Variants in FRMD6 observed in about 807,000 individuals in gnomAD.
The protein encoded by FRMD6 is FERM domain containing 6, also known as FERM domain-containing protein 6.
Under a neutral mutation model 73.2 loss-of-function variants are expected in FRMD6, and 37 were observed. That is an observed-to-expected ratio of 0.51 (90% confidence interval 0.39 to 0.66). The LOEUF is 0.66. Among genes scored for constraint, FRMD6 ranks in the 30% least tolerant of loss-of-function variants. The pLI is 0.00. For missense variants in FRMD6, 714 were observed against 780.5 expected (o/e 0.91, Z 1.02); for synonymous variants, 273 against 282.2 (o/e 0.97, Z 0.33).
intron 2 of FRMD6, among the ~76,000 whole-genome samples, chr14:51,629,125 C>T (rs978673697): frequency 9.9e-5 from 15 of 152,072 alleles, no homozygotes; most frequent in Non-Finnish European, 8.8e-5. Context: ...GTGATCCGCC[C>T]GCCTCGCCCT....
At chr14:51,515,034 G>C (rs1884543953) in intron 1 of FRMD6, among the ~76,000 whole-genome samples, 1 of 152,166 alleles carries the variant, frequency 6.6e-6, no homozygotes. Flanking sequence ...GTTCAACCAT[G>C]ATGGTGTCCC....
intron 1 of FRMD6, among the ~76,000 whole-genome samples, chr14:51,564,539 G>A (rs1370241378): frequency 6.6e-6 from 1 of 152,204 alleles, no homozygotes; most frequent in East Asian, 1.9e-4. Context: ...GTCTGAGAGA[G>A]CTGACCAAGG....
At chr14:51,430,638 GTTC>G in the FRMD6 span, among the ~76,000 whole-genome samples, 1 of 151,862 alleles carries the variant, frequency 6.6e-6, no homozygotes, top group South Asian at 2.1e-4. Flanking sequence ...AAAACCCTCT[GTTC>G]TTCTCCCCGC....
chr14:51,672,787 A>G (rs895249188), intron 1 of FRMD6, among the ~76,000 whole-genome samples: 14 of 152,140 alleles, frequency 9.2e-5, no homozygotes, highest in African/African-American at 3.4e-4. Flanking sequence ...TTTCGAATTT[A>G]TTAATGTAAA....
intron 2 of FRMD6, among the ~76,000 whole-genome samples, chr14:51,625,455 CTTTT>C (rs531098350): frequency 2.3e-5 from 2 of 85,436 alleles, no homozygotes; most frequent in Non-Finnish European, 5.0e-5. Flanking sequence ...TTCCCCTTAT[CTTTT>C]TTTTTTGTTG....
At chr14:51,506,346 G>A (rs1883962958) in intron 1 of FRMD6, among the ~76,000 whole-genome samples, 1 of 152,112 alleles carries the variant, frequency 6.6e-6, no homozygotes, top group Non-Finnish European at 1.5e-5. Flanking sequence ...ACTAATGTTT[G>A]GCAAGTGTCT....
chr14:51,633,793 A>G (rs1891436001), intron 2 of FRMD6, among the ~76,000 whole-genome samples: 1 of 152,192 alleles, frequency 6.6e-6, no homozygotes, highest in Admixed American at 6.5e-5. Flanking sequence ...TGTGATTAGC[A>G]TAATAAAGTT....
At chr14:51,584,813 T>C (rs1344209725) in intron 2 of FRMD6, among the ~76,000 whole-genome samples, 1 of 152,082 alleles carries the variant, frequency 6.6e-6, no homozygotes, top group East Asian at 1.9e-4. Flanking sequence ...GTAAAGGGTA[T>C]AAGCTCTGAA....
At chr14:51,551,086 T>C (rs79222128) in intron 1 of FRMD6, among the ~76,000 whole-genome samples, 17 of 152,302 alleles carry the variant, frequency 1.1e-4, no homozygotes, top group African/African-American at 3.8e-4. Flanking sequence ...CAGTAGTTTC[T>C]GTCCATCCCT....
chr14:51,688,324 T>C (rs557153720), intron 1 of FRMD6, among the ~76,000 whole-genome samples: 1 of 152,204 alleles, frequency 6.6e-6, no homozygotes, highest in Non-Finnish European at 1.5e-5. Context: ...TTCCTAATAA[T>C]GAAGTACCGT....
chr14:51,707,244 C>G (rs377080263), intron 6 of FRMD6, among the ~76,000 whole-genome samples: 1 of 152,108 alleles, frequency 6.6e-6, no homozygotes, highest in Non-Finnish European at 1.5e-5. Flanking sequence ...ATATTTAATT[C>G]TCTGTAAAAT....
At chr14:51,724,223 A>C (rs1897813785) in intron 12 of FRMD6, 1 of 151,934 alleles carries the variant, frequency 6.6e-6, no homozygotes, top group Non-Finnish European at 1.5e-5. Flanking sequence ...AAAAAAAAAA[A>C]CACTCAGCTA....
chr14:51,559,952 T>C (rs1054470757), intron 1 of FRMD6, among the ~76,000 whole-genome samples: 1 of 152,220 alleles, frequency 6.6e-6, no homozygotes, highest in Non-Finnish European at 1.5e-5. Flanking sequence ...CCTAGAGTCT[T>C]TACATTGTAA....
intron 1 of FRMD6, among the ~76,000 whole-genome samples, chr14:51,495,209 TTGTTTAATAACA>T (rs1405874809): frequency 6.6e-6 from 1 of 152,250 alleles, no homozygotes; most frequent in African/African-American, 2.4e-5. Context: ...CTTTCTTCCA[TTGTTTAATAACA>T]TGTTTCTTGT....
intron 1 of FRMD6, among the ~76,000 whole-genome samples, chr14:51,559,170 G>C (rs1596598774): frequency 6.6e-6 from 1 of 152,104 alleles, no homozygotes. Context: ...CATTTGATTT[G>C]GTACCTATTC....
chr14:51,678,878 T>A (rs1288431585), intron 1 of FRMD6, among the ~76,000 whole-genome samples: 1 of 152,170 alleles, frequency 6.6e-6, no homozygotes, highest in East Asian at 1.9e-4. Context: ...GATAATATTG[T>A]AGGCAGAGGG....
At chr14:51,543,849 A>AAT (rs1886326474) in intron 1 of FRMD6, among the ~76,000 whole-genome samples, 2 of 152,076 alleles carry the variant, frequency 1.3e-5, no homozygotes, top group African/African-American at 4.8e-5. Context: ...CGTGGACCGA[A>AAT]CTAGAATAGA....
Position 51,509,136 on chromosome 14 carries a change from C to G in FRMD6, c.-210+19716C>G, listed in dbSNP as rs1884141804. Among the ~76,000 whole-genome samples the G allele has an allele frequency of 4.6e-5, 7 of 152,216 alleles. No homozygotes were observed. In the South Asian group the frequency reaches 1.4e-3, roughly 31 times the overall value. On this transcript the variant is annotated intron_variant, in intron 1 of 14. Transcript: ENST00000356218. Reference sequence around the variant, plus strand: ...GCCCTGAGGGGTGGTTTACAAGACACACAAGAAAAATCAATCTTGATACTT... The same window carrying G: ...GCCCTGAGGGGTGGTTTACAAGACAGACAAGAAAAATCAATCTTGATACTT...
chr14:51,533,280 T>C (rs1885693620), intron 1 of FRMD6, among the ~76,000 whole-genome samples: 1 of 152,236 alleles, frequency 6.6e-6, no homozygotes, highest in South Asian at 2.1e-4. Context: ...ACTGCTCTGC[T>C]AGAGAGGCTT....
Sources: gnomAD v4.1 joint callset for allele counts (sites outside exome capture counted in the v4.1 genomes callset) on GRCh38, gnomAD v4.1.1 for gene constraint, MANE v1.5 for transcripts, NCBI Gene and HGNC (gene_info 2026-07-23, HGNC 2026-07-21) for gene names.